MAFF: variants seen among roughly 807,000 people sequenced by gnomAD.
MAFF encodes the protein MAF bZIP transcription factor F.
MAFF carries 4 observed loss-of-function variants against 2.7 expected under a neutral mutation model. That is an observed-to-expected ratio of 1.48 (90% CI 0.73 to 3.39). The LOEUF (loss-of-function observed/expected upper bound fraction) is 3.39. Ranked by LOEUF, MAFF falls within the 30% of genes most tolerant of loss-of-function variation. The probability of loss-of-function intolerance (pLI) is 0.01; values close to 1 mark genes in which losing one functional copy is unlikely to be tolerated. For missense variants in MAFF, 190 were observed against 246.6 expected (o/e 0.77, Z 1.54); for synonymous variants, 113 against 119.4 (o/e 0.95, Z 0.35).
intron 1 of MAFF, chr22:38,205,724 C>T (rs1261278525): frequency 6.6e-6 from 1 of 152,256 alleles, no homozygotes; most frequent in African/African-American, 2.4e-5. Context: ...CCCTGGGTTC[C>T]AGTCCGCCAC....
chr22:38,212,914 C>T (rs902036949), intron 1 of MAFF, among the ~76,000 whole-genome samples: 31 of 152,096 alleles, frequency 2.0e-4, no homozygotes, highest in African/African-American at 7.0e-4. Flanking sequence ...ACCTGTCCAG[C>T]ACTTTGGGAG....
chr22:38,214,458 G>C lies in MAFF; in HGVS notation c.75G>C (p.Ser25=), dbSNP rs748674205. The C allele has an allele frequency of 6.2e-7, 1 of 1,607,934 alleles. No individual in the cohort carries two copies. The highest frequency in any genetic ancestry group is 1.7e-5 in the Admixed American group (1 of 59,832). Residue 25 remains serine, a synonymous_variant, in exon 3 of 3, where the codon TCG becomes TCC. Transcript: ENST00000338483. This position sits in a 1 kb window ranked among gnomAD's most constrained non-coding sequence, Gnocchi z 6.3. The part of the protein sequence containing the change: ...RELSENTPHL[S]DEALMGLSVR... ...TGAGCGAGAACACGCCGCACCTGTCGGACGAGGCGCTGATGGGGCTGTCGG... is the reference window on the plus strand; with the variant it reads ...TGAGCGAGAACACGCCGCACCTGTCCGACGAGGCGCTGATGGGGCTGTCGG...
At chr22:38,205,818 G>A (rs371984198) in intron 1 of MAFF, 1 of 152,260 alleles carries the variant, frequency 6.6e-6, no homozygotes, top group East Asian at 1.9e-4. Context: ...GGGTCAGCCA[G>A]CCTGGCAAAG....
At position 38,216,089 on chromosome 22, in the gene MAFF, G is replaced by GT. The variant is rs1196009590; in HGVS notation, c.*1214dup. The GT allele has an allele frequency of 6.0e-6, 1 of 166,890 alleles. No individual in the cohort carries two copies. Among genetic ancestry groups the GT allele is most frequent in the Non-Finnish European group, 1.5e-5 (1 of 68,116 alleles). The allele number at this position is 166,890 out of a possible 1,614,324, so 10.3% of individuals were successfully genotyped here. A position where few individuals can be genotyped will look rare whatever the true frequency, so the allele number is the denominator to read the frequency against. On this transcript the variant is annotated 3_prime_UTR_variant, in exon 3 of 3. Coordinates refer to ENST00000338483, the MANE Select transcript of MAFF (RefSeq NM_012323.4). Reference sequence around the variant, plus strand: ...AAGCCGGAGAGCAACAACAAAAAATGTTTAAGCCGGGCGCGGTGGCTCACA... The same window carrying GT: ...AAGCCGGAGAGCAACAACAAAAAATGTTTTAAGCCGGGCGCGGTGGCTCACA...
intron 1 of MAFF, among the ~76,000 whole-genome samples, chr22:38,211,934 T>C (rs557567294): frequency 6.6e-6 from 1 of 152,278 alleles, no homozygotes; most frequent in African/African-American, 2.4e-5. Flanking sequence ...TCCGATACGG[T>C]ACGTGTTTAT....
At position 38,210,282 on chromosome 22, in the gene MAFF, A is replaced by G. The variant is rs539879671; in HGVS notation, c.-31-3541A>G. 2.0e-5 allele frequency among the ~76,000 whole-genome samples: 3 copies of G among 152,278 alleles called. No individual in the cohort carries two copies. The South Asian group carries it at 6.2e-4, about 32-fold the overall frequency. On this transcript the variant is annotated intron_variant, in intron 1 of 2. Transcript: ENST00000338483. ...TGTCAGGGGATCTCTGCAAGCGCCAACTTCCTTCTGTCCCACTCCTTCCTT... is the reference window on the plus strand; with the variant it reads ...TGTCAGGGGATCTCTGCAAGCGCCAGCTTCCTTCTGTCCCACTCCTTCCTT...
intron 1 of MAFF, among the ~76,000 whole-genome samples, chr22:38,207,933 C>A (rs2091065946): frequency 6.6e-6 from 1 of 152,122 alleles, no homozygotes; most frequent in South Asian, 2.1e-4. Flanking sequence ...TGTGAAGGGA[C>A]CAGGTTTCAG....
intron 1 of MAFF, among the ~76,000 whole-genome samples, chr22:38,213,186 AAAAAAAAAAAAAAAAG>A (rs1309860835): frequency 1.1e-4 from 4 of 37,862 alleles, no homozygotes; most frequent in African/African-American, 2.4e-4. Flanking sequence ...CAAAAAAAAA[AAAAAAAAAAAAAAAAG>A]AAAGAAAGAA....
Position 38,216,083 on chromosome 22 carries a change from A to G in MAFF, c.*1205A>G, listed in dbSNP as rs1254123495. On this transcript the variant is annotated 3_prime_UTR_variant, in exon 3 of 3. Coordinates refer to ENST00000338483, the MANE Select transcript of MAFF (RefSeq NM_012323.4). ...TAGGGAAAGCCGGAGAGCAACAACAAAAAATGTTTAAGCCGGGCGCGGTGG... is the reference window on the plus strand; with the variant it reads ...TAGGGAAAGCCGGAGAGCAACAACAGAAAATGTTTAAGCCGGGCGCGGTGG... 1 of 167,088 alleles carries G rather than the reference A, an allele frequency of 6.0e-6. No individual in the cohort carries two copies. Among genetic ancestry groups the G allele is most frequent in the East Asian group, 1.9e-4 (1 of 5,206 alleles). The allele number at this position is 167,088 out of a possible 1,614,324, so 10.4% of individuals were successfully genotyped here. A position where few individuals can be genotyped will look rare whatever the true frequency, so the allele number is the denominator to read the frequency against.
Position 38,214,037 on chromosome 22 carries a change from G to A in MAFF, c.36+148G>A. On this transcript the variant is annotated intron_variant, in intron 2 of 2. Transcript: ENST00000338483. The surrounding 1 kb of genome is among the most constrained non-coding windows in gnomAD (Gnocchi z 6.3). ...CATGATGCCAAAGGGAAGGGCCACA[G>A]CCATGGGCTGGGACCAGGAGGCCTG... 1.2e-6 allele frequency: 1 copy of A among 828,916 alleles called. No homozygotes were observed. Among genetic ancestry groups the A allele is most frequent in the Non-Finnish European group, 1.9e-6 (1 of 521,588 alleles). 51.3% of individuals were successfully genotyped at this position (828,916 alleles called of 1,614,324 possible).
intron 1 of MAFF, among the ~76,000 whole-genome samples, chr22:38,213,178 A>G (rs1377867719): frequency 1.0e-3 from 34 of 34,046 alleles, no homozygotes; most frequent in Non-Finnish European, 1.7e-3. Flanking sequence ...CTCTGTCTCA[A>G]AAAAAAAAAA....
At chr22:38,207,741 G>A (rs534586042) in intron 1 of MAFF, among the ~76,000 whole-genome samples, 1 of 152,054 alleles carries the variant, frequency 6.6e-6, no homozygotes, top group African/African-American at 2.4e-5. Flanking sequence ...GGGGCTATAG[G>A]TGTGCACCAC....
At chr22:38,210,678 G>A (rs888979668) in intron 1 of MAFF, among the ~76,000 whole-genome samples, 1 of 150,638 alleles carries the variant, frequency 6.6e-6, no homozygotes, top group Non-Finnish European at 1.5e-5. Context: ...GTGTATCAGG[G>A]GTTGCAAATT....
At chr22:38,208,580 C>CGTCAGA (rs1288259927) in intron 1 of MAFF, among the ~76,000 whole-genome samples, 1 of 152,182 alleles carries the variant, frequency 6.6e-6, no homozygotes, top group Admixed American at 6.5e-5. Flanking sequence ...TGGGTGATGG[C>CGTCAGA]GTCAGAGACT....
chr22:38,215,851 T>C lies in MAFF; in HGVS notation c.*973T>C, dbSNP rs2091145218. On this transcript the variant is annotated 3_prime_UTR_variant, in exon 3 of 3. Transcript: ENST00000338483. Reference sequence around the variant, plus strand: ...TGGGGTGGGGGCTGACCCCTGCCTTTGATTGTCATTCTCCTGGGAAGCCCA... The same window carrying C: ...TGGGGTGGGGGCTGACCCCTGCCTTCGATTGTCATTCTCCTGGGAAGCCCA... 1 of 167,164 alleles carries C rather than the reference T, an allele frequency of 6.0e-6. No homozygotes were observed. Among genetic ancestry groups the C allele is most frequent in the Admixed American group, 6.5e-5 (1 of 15,274 alleles). 10.4% of individuals were successfully genotyped at this position (167,164 alleles called of 1,614,324 possible). A position where few individuals can be genotyped will look rare whatever the true frequency, so the allele number is the denominator to read the frequency against.
chr22:38,208,763 C>A (rs1485277597), intron 1 of MAFF, among the ~76,000 whole-genome samples: 2 of 152,122 alleles, frequency 1.3e-5, no homozygotes, highest in Non-Finnish European at 2.9e-5. Context: ...TCAGGGAGGG[C>A]TTCCTGGAGG....
At chr22:38,207,446 T>A (rs1399346663) in intron 1 of MAFF, among the ~76,000 whole-genome samples, 1 of 125,732 alleles carries the variant, frequency 8.0e-6, no homozygotes, top group Non-Finnish European at 1.7e-5. Context: ...TTTTTTTTTT[T>A]TTTTTTTTTT....
At chr22:38,210,623 A>AGTGT (rs71195095) in intron 1 of MAFF, among the ~76,000 whole-genome samples, 10,696 of 132,846 alleles carry the variant, frequency 0.081, 814 homozygotes, top group African/African-American at 0.19. Context: ...GGACACAGGG[A>AGTGT]GTGTGTGTGT....
At chr22:38,213,526 G>A (rs1318522990) in intron 1 of MAFF, 1 of 477,076 alleles carries the variant, frequency 2.1e-6, no homozygotes, top group African/African-American at 2.0e-5. Flanking sequence ...TGACACAGAG[G>A]CGTTTAGCCA....
Sources: allele counts gnomAD v4.1 joint callset (sites outside exome capture counted in the v4.1 genomes callset), GRCh38; gene constraint gnomAD v4.1.1; non-coding constraint Gnocchi (gnomAD v3.1); transcripts MANE v1.5; gene names NCBI Gene and HGNC (gene_info 2026-07-23, HGNC 2026-07-21).